SHOC1: variants seen among roughly 807,000 people sequenced by gnomAD.
SHOC1 encodes protein shortage in chiasmata 1 ortholog.
Under a neutral mutation model 179.2 loss-of-function variants are expected in SHOC1, and 136 were observed. That is an observed-to-expected ratio of 0.76 (90% confidence interval 0.66 to 0.87). SHOC1 has a LOEUF of 0.87. SHOC1 is among the 40% of genes least tolerant of loss of function. The pLI is 0.00. For missense variants in SHOC1, 1,538 were observed against 1,700.8 expected, an observed-to-expected ratio of 0.90 and a Z score of 1.68; for synonymous variants, 489 against 586.6, an observed-to-expected ratio of 0.83 and a Z score of 2.41.
rs1323526011 is a variant in SHOC1 at position 111,772,095 on chromosome 9, C to T, written c.442+3696G>A. ...TAGGCAGTTTTTGTTCTTTTTCTTT[C>T]TTTTTTCTTTTTTCTCCTCTGACTG... On this transcript the variant is annotated intron_variant, in intron 5 of 27. Transcript: ENST00000682961. Among the ~76,000 whole-genome samples the T allele has an allele frequency of 4.6e-5, 7 of 151,968 alleles. No individual in the cohort carries two copies. In the South Asian group the frequency reaches 8.3e-4, roughly 18 times the overall value.
intron 9 of SHOC1, among the ~76,000 whole-genome samples, chr9:111,746,700 A>T (rs1834305461): frequency 6.6e-6 from 1 of 152,166 alleles, no homozygotes; most frequent in Non-Finnish European, 1.5e-5. Flanking sequence ...AATTAAGTAT[A>T]ATTTAGAACA....
intron 23 of SHOC1, among the ~76,000 whole-genome samples, chr9:111,700,636 C>T (rs1831926550): frequency 6.6e-6 from 1 of 152,114 alleles, no homozygotes; most frequent in East Asian, 1.9e-4. Context: ...TTCTGGGACT[C>T]AAAACAATAC....
Position 111,743,248 on chromosome 9 carries a change from C to T in SHOC1, c.1080-1678G>A, listed in dbSNP as rs1224741212. Among the ~76,000 whole-genome samples, 14 of 152,086 alleles carry T rather than the reference C, an allele frequency of 9.2e-5. No homozygotes were observed. In the South Asian group the frequency reaches 1.2e-3, roughly 14 times the overall value. On this transcript the variant is annotated intron_variant, in intron 10 of 27. Coordinates refer to ENST00000682961, the MANE Select transcript of SHOC1 (RefSeq NM_001378211.1). Reference sequence around the variant, plus strand: ...TCAAAAAAATTTTAACACCTTTTCTCCTTGTTTTTAGTTTTACAGTTGAGA... The same window carrying T: ...TCAAAAAAATTTTAACACCTTTTCTTCTTGTTTTTAGTTTTACAGTTGAGA...
intron 1 of SHOC1, among the ~76,000 whole-genome samples, chr9:111,792,676 C>G (rs1467358792): frequency 1.3e-5 from 2 of 152,130 alleles, no homozygotes; most frequent in Non-Finnish European, 2.9e-5. Context: ...TTGGATATTA[C>G]AATATGTTTT....
intron 5 of SHOC1, among the ~76,000 whole-genome samples, chr9:111,764,798 G>C (rs1400431773): frequency 6.6e-6 from 1 of 152,072 alleles, no homozygotes; most frequent in Non-Finnish European, 1.5e-5. Context: ...TGCCTCTAGA[G>C]AGTGAAAAAA....
At chr9:111,721,650 T>C (rs1833058818) in intron 15 of SHOC1, among the ~76,000 whole-genome samples, 1 of 152,222 alleles carries the variant, frequency 6.6e-6, no homozygotes, top group South Asian at 2.1e-4. Flanking sequence ...ACCTCACATA[T>C]ATTCTTTGAT....
At chr9:111,788,064 CTT>C (rs35764341) in intron 2 of SHOC1, among the ~76,000 whole-genome samples, 2 of 122,724 alleles carry the variant, frequency 1.6e-5, no homozygotes, top group Non-Finnish European at 1.6e-5. Flanking sequence ...ATAAACATAA[CTT>C]TTTTTTTTTT....
chr9:111,745,911 T>C (rs1276037328), intron 10 of SHOC1, among the ~76,000 whole-genome samples: 1 of 152,208 alleles, frequency 6.6e-6, no homozygotes, highest in African/African-American at 2.4e-5. Context: ...TTAATGATAA[T>C]ATATTCACAT....
At chr9:111,785,871 G>T in intron 3 of SHOC1, 41 bp downstream of exon 3, 1 of 1,402,280 alleles carries the variant, frequency 7.1e-7, no homozygotes, top group Non-Finnish European at 9.3e-7. Flanking sequence ...ACTCTGAAAT[G>T]GCTTTTAAAA....
At chr9:111,725,297 A>G (rs1833248142) in intron 13 of SHOC1, among the ~76,000 whole-genome samples, 1 of 152,172 alleles carries the variant, frequency 6.6e-6, no homozygotes, top group Non-Finnish European at 1.5e-5. Context: ...AAAATAAGAC[A>G]AAAAGTAAAA....
intron 27 of SHOC1, among the ~76,000 whole-genome samples, chr9:111,689,345 A>AATT (rs200385028): frequency 9.2e-6 from 1 of 109,212 alleles, no homozygotes; most frequent in South Asian, 2.5e-4. Context: ...TAATAATAAT[A>AATT]ATAATTATTA....
chr9:111,750,453 G>T (rs561727251), intron 8 of SHOC1, among the ~76,000 whole-genome samples: 2 of 152,252 alleles, frequency 1.3e-5, no homozygotes, highest in African/African-American at 4.8e-5. Context: ...TCCTGCCTCA[G>T]CCTCCCCAGT....
At position 111,748,090 on chromosome 9, in the gene SHOC1, A is replaced by G. The variant is rs755088726; in HGVS notation, c.970+2T>C. The G allele has an allele frequency of 3.5e-5, 56 of 1,605,112 alleles. No homozygotes were observed. In the Admixed American group the frequency reaches 8.0e-4, roughly 23 times the overall value. The stretch of plus-strand genomic sequence containing the variant: ...AGCTCAATGATTTATCAAAATTTCT[A>G]CCTGGTTTACTGCACTCTTCTGGTT... On this transcript the variant is annotated splice_donor_variant, in intron 9 of 27. Coordinates refer to ENST00000682961, the MANE Select transcript of SHOC1 (RefSeq NM_001378211.1). LOFTEE classifies it high-confidence loss of function.
chr9:111,694,779 A>C (rs1831613868), intron 24 of SHOC1, among the ~76,000 whole-genome samples: 1 of 152,080 alleles, frequency 6.6e-6, no homozygotes, highest in African/African-American at 2.4e-5. Context: ...GATTTTTCAA[A>C]GACAAAGTTA....
chr9:111,783,744 G>A (rs404922), intron 3 of SHOC1, among the ~76,000 whole-genome samples: 11,548 of 152,168 alleles, frequency 0.076, 630 homozygotes, highest in South Asian at 0.21. Context: ...GTTTGAGTAT[G>A]GTGAGACAGA....
At chr9:111,711,094 G>A (rs1046773766) in intron 18 of SHOC1, among the ~76,000 whole-genome samples, 3 of 151,878 alleles carry the variant, frequency 2.0e-5, no homozygotes, top group Admixed American at 1.3e-4. Context: ...AGGAGGAGAT[G>A]GTATCCAAAG....
chr9:111,707,047 T>G (rs1373262332), intron 19 of SHOC1, among the ~76,000 whole-genome samples: 1 of 152,084 alleles, frequency 6.6e-6, no homozygotes, highest in Non-Finnish European at 1.5e-5. Context: ...GAAATCAGCA[T>G]GAAAAATCAG....
rs1452478686 is a variant in SHOC1, at chr9:111,694,256, G to T, written c.3290C>A (p.Ser1097Tyr). 2 of 1,609,748 alleles carry T rather than the reference G, an allele frequency of 1.2e-6. No individual in the cohort carries two copies. The highest frequency in any genetic ancestry group is 1.3e-5 in the African/African-American group (1 of 74,786). ...KRDPHEWLDK[S>Y]WLKVSPSEEE... ...CTCAGATGGTGAAACTTTAAGCCAG[G>T]ATTTATCCAACCATTCATGAGGATC... is the stretch of plus-strand genomic sequence containing the variant. The change falls in exon 25 of 28, where the codon TCC becomes TAC. Residue 1097 changes from serine to tyrosine, a missense_variant. Physicochemically the swap from Ser to Tyr is moderately radical, Grantham distance 144 (BLOSUM62 -2). Coordinates refer to ENST00000682961, the MANE Select transcript of SHOC1 (RefSeq NM_001378211.1).
intron 4 of SHOC1, among the ~76,000 whole-genome samples, chr9:111,780,629 C>T (rs1452714425): frequency 1.3e-5 from 2 of 151,922 alleles, no homozygotes; most frequent in African/African-American, 4.8e-5. Context: ...AGCCTTAAAT[C>T]TGTATTTATA....
Sources: gnomAD v4.1 joint callset for allele counts (sites outside exome capture counted in the v4.1 genomes callset) on GRCh38, gnomAD v4.1.1 for gene constraint, MANE v1.5 for transcripts, NCBI Gene and HGNC (gene_info 2026-07-23, HGNC 2026-07-21) for gene names.